Variants in LUC7L3 observed in about 807,000 individuals in gnomAD.
The protein encoded by LUC7L3 is LUC7 like 3 pre-mRNA splicing factor, also known as luc7-like protein 3.
In LUC7L3, 6 loss-of-function variants were observed where a neutral mutation model predicts 66.8. The ratio of observed to expected loss-of-function variants is 0.09; its 90% CI spans 0.05 to 0.18. The LOEUF is 0.18. Ranked by LOEUF, LUC7L3 falls within the 10% of genes least tolerant of loss-of-function variation. The pLI is 1.00. For missense variants in LUC7L3, 341 were observed against 531.1 expected, an observed-to-expected ratio of 0.64 and a Z score of 3.52; for synonymous variants, 160 against 174.7, an observed-to-expected ratio of 0.92 and a Z score of 0.66.
chr17:50,738,145 A>C (rs1326334581), intron 2 of LUC7L3: 1 of 456,060 alleles, frequency 2.2e-6, no homozygotes, highest in Non-Finnish European at 4.4e-6. Flanking sequence ...AGGCAGAAGA[A>C]AAGAGGATTC....
intron 1 of LUC7L3, chr17:50,722,229 GCT>G (rs1457308493): frequency 9.0e-6 from 1 of 111,110 alleles, no homozygotes; most frequent in Admixed American, 1.3e-4. Flanking sequence ...ACGGCGTCTT[GCT>G]CTGTCTCCCA....
chr17:50,721,564 T>C (rs1488339557), intron 1 of LUC7L3, among the ~76,000 whole-genome samples: 2 of 152,246 alleles, frequency 1.3e-5, no homozygotes, highest in African/African-American at 4.8e-5. Context: ...GATTGAAGGA[T>C]TTCAAGTCAG....
At chr17:50,730,424 A>G (rs1203906646) in intron 1 of LUC7L3, among the ~76,000 whole-genome samples, 1 of 147,016 alleles carries the variant, frequency 6.8e-6, no homozygotes, top group Non-Finnish European at 1.5e-5. Flanking sequence ...AGGCTGAGGC[A>G]CGAGAATTGC....
Position 50,752,193 on chromosome 17 carries a change from G to C in LUC7L3, c.*1532G>C, listed in dbSNP as rs76666103. ...ATTATCATTTTTCCCCAAATTTTGC[G>C]TTGTAGGACTACTGTTCGAAGATTT... On this transcript the variant is annotated 3_prime_UTR_variant, in exon 10 of 10. Transcript: ENST00000505658. 8.1e-5 allele frequency: 104 copies of C among 1,282,964 alleles called. No homozygotes were observed. Among genetic ancestry groups the C allele is most frequent in the Non-Finnish European group, 1.0e-4 (101 of 985,878 alleles). The allele number at this position is 1,282,964 out of a possible 1,614,324, so 79.5% of individuals were successfully genotyped here.
chr17:50,727,058 C>T (rs1969241168), intron 1 of LUC7L3, among the ~76,000 whole-genome samples: 1 of 152,076 alleles, frequency 6.6e-6, no homozygotes. Flanking sequence ...CACCGCACTC[C>T]AGCCTGGCTG....
At position 50,754,806 on chromosome 17, in the gene LUC7L3, C is replaced by T. The variant is rs1220300119; in HGVS notation, c.*4145C>T. 1 of 152,116 alleles carries T rather than the reference C, an allele frequency of 6.6e-6. No individual in the cohort carries two copies. The highest frequency in any genetic ancestry group is 1.5e-5 in the Non-Finnish European group (1 of 68,022). 9.4% of individuals were successfully genotyped at this position (152,116 alleles called of 1,614,324 possible). On this transcript the variant is annotated 3_prime_UTR_variant, in exon 10 of 10. Transcript: ENST00000505658. ...CTGGTTCCTTAAATATAGTTAGTGT[C>T]ACAGAGGATAAATAACCAACCTTAT...
In LUC7L3 at chr17:50,748,664, G is replaced by A. The variant is rs1025618081; in HGVS notation, c.1139-1837G>A. Among the ~76,000 whole-genome samples, 12 of 151,984 alleles carry A rather than the reference G, an allele frequency of 7.9e-5. No homozygotes were observed. In the South Asian group the frequency reaches 1.5e-3, roughly 18 times the overall value. On this transcript the variant is annotated intron_variant, in intron 9 of 9. Transcript: ENST00000505658. ...CGTTAAGCGGAATAAGCTGAGTTAC[G>A]TTTAGATTAGCAACAGACAGGGATT...
At chr17:50,740,484 GTTCTA>G (rs1243130467) in intron 3 of LUC7L3, 139 bp downstream of exon 3, 11 of 736,068 alleles carry the variant, frequency 1.5e-5, no homozygotes, top group African/African-American at 5.4e-5. Context: ...TAGTAAGAAA[GTTCTA>G]TAGCTTCAGT....
At chr17:50,734,989 C>A (rs981587120) in intron 1 of LUC7L3, among the ~76,000 whole-genome samples, 1 of 152,042 alleles carries the variant, frequency 6.6e-6, no homozygotes, top group Admixed American at 6.6e-5. Context: ...CTAGCACTTT[C>A]GGAGGCCGAG....
chr17:50,752,313 A>G lies in LUC7L3; in HGVS notation c.*1652A>G. 1.1e-6 allele frequency: 1 copy of G among 940,576 alleles called. No homozygotes were observed. Among genetic ancestry groups the G allele is most frequent in the Non-Finnish European group, 1.4e-6 (1 of 707,378 alleles). 58.3% of individuals were successfully genotyped at this position (940,576 alleles called of 1,614,324 possible). A position where few individuals can be genotyped will look rare whatever the true frequency, so the allele number is the denominator to read the frequency against. On this transcript the variant is annotated 3_prime_UTR_variant, in exon 10 of 10. Coordinates refer to ENST00000505658, the MANE Select transcript of LUC7L3 (RefSeq NM_016424.5). ...GTGGCATAGAAAAAGTATAAAGCTC[A>G]GTTAGTTTTTTTATTATTATTATTA... is the stretch of plus-strand genomic sequence containing the variant.
rs952117747 is a variant in LUC7L3 at position 50,741,280 on chromosome 17, C to T, written c.351+34C>T. 4.4e-6 allele frequency: 7 copies of T among 1,597,528 alleles called. No individual in the cohort carries two copies. In the African/African-American group the frequency reaches 5.4e-5, roughly 12 times the overall value. ...AGTCAATTCAGTCTTTGTAAACGGT[C>T]CTTGTTTTCTGGAGATTCAGAGACC... is the stretch of plus-strand genomic sequence containing the variant. On this transcript the variant is annotated intron_variant, in intron 4 of 9. Transcript: ENST00000505658.
rs556665658 is a variant in LUC7L3 at position 50,733,920 on chromosome 17, A to T, written c.100-3040A>T. Among the ~76,000 whole-genome samples, 11 of 152,278 alleles carry T rather than the reference A, an allele frequency of 7.2e-5. No homozygotes were observed. In the East Asian group the frequency reaches 2.1e-3, roughly 29 times the overall value. The stretch of plus-strand genomic sequence containing the variant: ...TTGTTGCCACATCCTCCCTCCCCCA[A>T]ATAAACTCTCAAAGAAATGTTTATA... On this transcript the variant is annotated intron_variant, in intron 1 of 9. Transcript: ENST00000505658.
At chr17:50,724,611 TTG>T (rs58361696) in intron 1 of LUC7L3, among the ~76,000 whole-genome samples, 11,248 of 147,172 alleles carry the variant, frequency 0.076, 541 homozygotes, top group African/African-American at 0.15. Flanking sequence ...TTTAGGAAAA[TTG>T]TGTGTGTGTG....
intron 5 of LUC7L3, among the ~76,000 whole-genome samples, chr17:50,743,203 T>G (rs1597929898): frequency 2.2e-4 from 1 of 4,626 alleles, no homozygotes; most frequent in East Asian, 0.028. Flanking sequence ...TGTCTTTCCT[T>G]TTTTTTAAAA....
chr17:50,743,689 TC>T lies in LUC7L3; in HGVS notation c.427-13del, dbSNP rs1303362497. On this transcript the variant is annotated splice_polypyrimidine_tract_variant and intron_variant, in intron 5 of 9. Transcript: ENST00000505658. ...TTGAAAGAAATCTTAACTGTTTTTT[TC>T]CCCTACTCTTCTAAGATTGAAGAAT... 2 of 1,489,040 alleles carry T rather than the reference TC, an allele frequency of 1.3e-6. No homozygotes were observed. The highest frequency in any genetic ancestry group is 1.4e-5 in the African/African-American group (1 of 71,796). 92.2% of individuals were successfully genotyped at this position (1,489,040 alleles called of 1,614,324 possible).
rs1970261238 is a variant in LUC7L3, at chr17:50,740,225, A to G, written c.167-81A>G. 5 of 1,099,500 alleles carry G rather than the reference A, an allele frequency of 4.5e-6. No homozygotes were observed. In the South Asian group the frequency reaches 5.7e-5, roughly 12 times the overall value. 68.1% of individuals were successfully genotyped at this position (1,099,500 alleles called of 1,614,324 possible). On this transcript the variant is annotated intron_variant, in intron 2 of 9. Transcript: ENST00000505658. ...AAGTGAATCCTTTTTCTTTTTAAAA[A>G]GAAAAATAACTCTTTTTTTTTGGCA...
In LUC7L3 at chr17:50,753,716, A is replaced by C. The variant is rs1441501720; in HGVS notation, c.*3055A>C. On this transcript the variant is annotated 3_prime_UTR_variant, in exon 10 of 10. Coordinates refer to ENST00000505658, the MANE Select transcript of LUC7L3 (RefSeq NM_016424.5). ...TGTGGTTGTAGCAGCAAAGGACTTA[A>C]AGTGATAGTTTTTAAACCATATTCT... 1 of 152,172 alleles carries C rather than the reference A, an allele frequency of 6.6e-6. No individual in the cohort carries two copies. Among genetic ancestry groups the C allele is most frequent in the Non-Finnish European group, 1.5e-5 (1 of 68,018 alleles). 9.4% of individuals were successfully genotyped at this position (152,172 alleles called of 1,614,324 possible).
Position 50,750,866 on chromosome 17 carries a change from T to G in LUC7L3, c.*205T>G. ...AAACATTTTGAGGTACATTGTTTTG[T>G]CTCAGCTATTTTGTAGCAGACTCGT... is the stretch of plus-strand genomic sequence containing the variant. On this transcript the variant is annotated 3_prime_UTR_variant, in exon 10 of 10. Transcript: ENST00000505658. 1.3e-6 allele frequency: 2 copies of G among 1,537,042 alleles called. No homozygotes were observed. The highest frequency in any genetic ancestry group is 1.7e-6 in the Non-Finnish European group (2 of 1,146,950).
chr17:50,751,096 T>TA lies in LUC7L3; in HGVS notation c.*438dup, dbSNP rs1970958128. 1 of 1,443,538 alleles carries TA rather than the reference T, an allele frequency of 6.9e-7. No individual in the cohort carries two copies. Among genetic ancestry groups the TA allele is most frequent in the Non-Finnish European group, 9.0e-7 (1 of 1,106,576 alleles). The allele number at this position is 1,443,538 out of a possible 1,614,324, so 89.4% of individuals were successfully genotyped here. On this transcript the variant is annotated 3_prime_UTR_variant, in exon 10 of 10. Transcript: ENST00000505658. ...GGCAGAGACATATGCTTTAAAAACT[T>TA]AAATATTTCGGAGGCACATGTTGGA...
Sources: allele counts gnomAD v4.1 joint callset (sites outside exome capture counted in the v4.1 genomes callset), GRCh38; gene constraint gnomAD v4.1.1; transcripts MANE v1.5; gene names NCBI Gene and HGNC (gene_info 2026-07-23, HGNC 2026-07-21).